KIT: variants seen among roughly 807,000 people sequenced by gnomAD.
KIT encodes the protein mast/stem cell growth factor receptor Kit.
In KIT, 16 loss-of-function variants were observed where a neutral mutation model predicts 105.7. The observed-to-expected ratio is 0.15, with a 90% CI of 0.10 to 0.23. The LOEUF is 0.23. Ranked by LOEUF, KIT falls within the 10% of genes least tolerant of loss-of-function variation. KIT has a pLI of 1.00. For synonymous variants in KIT, 438 were observed against 441.1 expected (o/e 0.99, Z 0.09); for missense variants, 858 against 1,213.8 (o/e 0.71, Z 4.36).
At chr4:54,658,456 C>A (rs1031618813) in intron 1 of KIT, among the ~76,000 whole-genome samples, 2 of 151,974 alleles carry the variant, frequency 1.3e-5, no homozygotes, top group Non-Finnish European at 2.9e-5. Flanking sequence ...CTTCTCTTGC[C>A]GTGCGAGGCG....
At chr4:54,730,540 T>C (rs1722521904) in intron 14 of KIT, among the ~76,000 whole-genome samples, 1 of 152,148 alleles carries the variant, frequency 6.6e-6, no homozygotes, top group Non-Finnish European at 1.5e-5. Flanking sequence ...AAAACCACTT[T>C]TTGTTAGTTT....
At chr4:54,734,680 A>G (rs752097652) in intron 17 of KIT, among the ~76,000 whole-genome samples, 6 of 152,112 alleles carry the variant, frequency 3.9e-5, no homozygotes, top group Non-Finnish European at 7.3e-5. Context: ...CATATATGTT[A>G]CCGCCCCACA....
At chr4:54,723,811 G>GTT (rs922337473) in intron 8 of KIT, 113 bp downstream of exon 8, 2 of 762,274 alleles carry the variant, frequency 2.6e-6, no homozygotes, top group Non-Finnish European at 4.5e-6. Flanking sequence ...TTTGATTATT[G>GTT]TTTTTTTTCT....
intron 1 of KIT, among the ~76,000 whole-genome samples, chr4:54,676,732 C>G (rs10488844): frequency 0.096 from 14,555 of 152,148 alleles, 985 homozygotes; most frequent in African/African-American, 0.19. Context: ...CCAGTATCTC[C>G]TTTTGATCTC....
intron 1 of KIT, among the ~76,000 whole-genome samples, chr4:54,682,321 T>C (rs1718995815): frequency 6.6e-6 from 1 of 152,106 alleles, no homozygotes; most frequent in Admixed American, 6.5e-5. Flanking sequence ...AGCTCCTGGG[T>C]AAGCAATCCT....
intron 13 of KIT, among the ~76,000 whole-genome samples, chr4:54,728,853 A>G (rs1469297975): frequency 6.6e-6 from 1 of 152,184 alleles, no homozygotes; most frequent in Non-Finnish European, 1.5e-5. Context: ...AGCGCTCAGA[A>G]CACAGGTCAT....
chr4:54,740,628 G>A lies in KIT; in HGVS notation c.*2071G>A, dbSNP rs1179236470. On this transcript the variant is annotated 3_prime_UTR_variant, in exon 21 of 21. Coordinates refer to ENST00000288135, the MANE Select transcript of KIT (RefSeq NM_000222.3). ...CATAAGCGGCGTAAGTTTAAAGGATGTTGGTGTTCCACGTGTTTTATTCCT... is the reference window on the plus strand; with the variant it reads ...CATAAGCGGCGTAAGTTTAAAGGATATTGGTGTTCCACGTGTTTTATTCCT... 1 of 232,760 alleles carries A rather than the reference G, an allele frequency of 4.3e-6. No homozygotes were observed. The highest frequency in any genetic ancestry group is 8.5e-6 in the Non-Finnish European group (1 of 117,626). The allele number at this position is 232,760 out of a possible 1,614,324, so 14.4% of individuals were successfully genotyped here.
At chr4:54,684,091 G>C (rs189405232) in intron 1 of KIT, among the ~76,000 whole-genome samples, 1,857 of 152,236 alleles carry the variant, frequency 0.012, 22 homozygotes, top group Middle Eastern at 0.02. Context: ...GCCCTGAGGA[G>C]GAAACTACTC....
At chr4:54,703,949 TA>T in intron 5 of KIT, 57 bp downstream of exon 5, 5 of 1,319,504 alleles carry the variant, frequency 3.8e-6, no homozygotes, top group Non-Finnish European at 5.5e-6. Flanking sequence ...AAGAAATTAT[TA>T]GACAGTTTCT....
At chr4:54,738,390 T>G (rs201999061) in intron 20 of KIT, 39 bp from the exon 21 acceptor site, 38 of 1,612,548 alleles carry the variant, frequency 2.4e-5, no homozygotes, top group Non-Finnish European at 3.1e-5. Context: ...ATGTTCGTTG[T>G]AGGGACTGCT....
intron 14 of KIT, 49 bp from the exon 15 acceptor site, chr4:54,731,279 T>C: frequency 1.5e-6 from 2 of 1,330,930 alleles, no homozygotes; most frequent in Non-Finnish European, 2.2e-6. Context: ...ATGAGTGCCC[T>C]TCTACATGTC....
At chr4:54,696,297 C>T (rs1053341362) in intron 2 of KIT, among the ~76,000 whole-genome samples, 1 of 152,132 alleles carries the variant, frequency 6.6e-6, no homozygotes, top group Admixed American at 6.5e-5. Flanking sequence ...AAAATGTGAC[C>T]TCTTATAAAC....
At chr4:54,728,937 A>C (rs1183044174) in intron 13 of KIT, among the ~76,000 whole-genome samples, 1 of 152,180 alleles carries the variant, frequency 6.6e-6, no homozygotes, top group Non-Finnish European at 1.5e-5. Flanking sequence ...ACTATGCCAC[A>C]GTTTGTGCCT....
At chr4:54,706,328 G>A (rs1052982362) in intron 5 of KIT, among the ~76,000 whole-genome samples, 29 of 152,188 alleles carry the variant, frequency 1.9e-4, no homozygotes, top group African/African-American at 6.5e-4. Context: ...AAATTATTGA[G>A]TTTAGTTAAA....
At chr4:54,726,871 G>A (rs1431834015) in intron 9 of KIT, among the ~76,000 whole-genome samples, 7 of 151,688 alleles carry the variant, frequency 4.6e-5, no homozygotes, top group South Asian at 2.1e-4. Context: ...AATATAAACC[G>A]TCCATAAAGG....
Position 54,740,552 on chromosome 4 carries a change from A to C in KIT, c.*1995A>C, listed in dbSNP as rs943335926. On this transcript the variant is annotated 3_prime_UTR_variant, in exon 21 of 21. Coordinates refer to ENST00000288135, the MANE Select transcript of KIT (RefSeq NM_000222.3). ...ATGTCTTTTGAATATTCCCAAGCCCATGAGTCCTTGAAAATATTTTTTATA... is the reference window on the plus strand; with the variant it reads ...ATGTCTTTTGAATATTCCCAAGCCCCTGAGTCCTTGAAAATATTTTTTATA... 1.3e-5 allele frequency: 3 copies of C among 233,048 alleles called. No individual in the cohort carries two copies. The highest frequency in any genetic ancestry group is 6.6e-5 in the African/African-American group (3 of 45,318). The allele number at this position is 233,048 out of a possible 1,614,324, so 14.4% of individuals were successfully genotyped here. A position where few individuals can be genotyped will look rare whatever the true frequency, so the allele number is the denominator to read the frequency against.
At chr4:54,682,730 G>A (rs1002441371) in intron 1 of KIT, among the ~76,000 whole-genome samples, 14 of 147,022 alleles carry the variant, frequency 9.5e-5, no homozygotes, top group Admixed American at 6.1e-4. Flanking sequence ...GCGCCCGGCC[G>A]ATATTTCTTT....
rs1282057865 is a variant in KIT at position 54,687,778 on chromosome 4, C to T, written c.68-7734C>T. On this transcript the variant is annotated intron_variant, in intron 1 of 20. Transcript: ENST00000288135. ...ACATAGAAACACATACACGTGCAAA[C>T]ACATATACAAAGTCTTCCTGGCTCA... Among the ~76,000 whole-genome samples, 68 of 152,152 alleles carry T rather than the reference C, an allele frequency of 4.5e-4. 1 individual carries two copies. The highest frequency in any genetic ancestry group is 4.5e-3 in the Admixed American group (68 of 15,264).
intron 1 of KIT, among the ~76,000 whole-genome samples, chr4:54,658,920 CTG>C (rs1301644242): frequency 2.0e-5 from 3 of 152,282 alleles, no homozygotes; most frequent in African/African-American, 4.8e-5. Context: ...CGGCTGGAGG[CTG>C]TGTTTGCCGC....
Sources: gnomAD v4.1 joint callset for allele counts (sites outside exome capture counted in the v4.1 genomes callset) on GRCh38, gnomAD v4.1.1 for gene constraint, MANE v1.5 for transcripts, NCBI Gene and HGNC (gene_info 2026-07-23, HGNC 2026-07-21) for gene names.